COL10A1: variants seen among roughly 807,000 people sequenced by gnomAD.
COL10A1 encodes collagen type X alpha 1 chain.
Under a neutral mutation model 18.2 loss-of-function variants are expected in COL10A1, and 10 were observed. The ratio of observed to expected loss-of-function variants is 0.55; its 90% CI spans 0.34 to 0.93. The LOEUF (loss-of-function observed/expected upper bound fraction) is 0.93, where lower values mean the gene tolerates loss of function less well. Among genes scored for constraint, COL10A1 ranks in the 40% least tolerant of loss-of-function variants. The probability of loss-of-function intolerance (pLI) is 0.02; values close to 1 mark genes in which losing one functional copy is unlikely to be tolerated. For synonymous variants in COL10A1, 330 were observed against 316.6 expected, an observed-to-expected ratio of 1.04 and a Z score of -0.45; for missense variants, 897 against 853.5, an observed-to-expected ratio of 1.05 and a Z score of -0.64.
the COL10A1 span, among the ~76,000 whole-genome samples, chr6:116,189,894 A>G: frequency 6.6e-6 from 1 of 152,026 alleles, no homozygotes; most frequent in Non-Finnish European, 1.5e-5. Context: ...ATACTATGCT[A>G]TATGTATGTT....
the COL10A1 span, among the ~76,000 whole-genome samples, chr6:116,166,606 T>C: frequency 1.3e-5 from 2 of 152,194 alleles, no homozygotes; most frequent in Non-Finnish European, 2.9e-5. Context: ...ATATTTCCCT[T>C]GAGGTTTTCA....
At chr6:116,170,447 C>G in the COL10A1 span, among the ~76,000 whole-genome samples, 2 of 151,960 alleles carry the variant, frequency 1.3e-5, no homozygotes, top group Non-Finnish European at 2.9e-5. Context: ...GGGAAAGTAC[C>G]AGGTTCATAG....
chr6:116,121,694 G>C lies in COL10A1; in HGVS notation c.422C>G (p.Pro141Arg), dbSNP rs372909130. ...CGGTCCAGGGATTCCAGGTGGTCCT[G>C]GTGGGCCCCGGGGTCCTGGTAGGCC... ...PAGLPGPRGP[P>R]GPPGIPGPAG... Residue 141 changes from proline to arginine, a missense_variant, in exon 3 of 3, where the codon CCA (proline) becomes CGA (arginine). Transcript: ENST00000651968. The C allele has an allele frequency of 3.7e-6, 6 of 1,613,712 alleles. No homozygotes were observed. In the African/African-American group the frequency reaches 8.0e-5, roughly 22 times the overall value.
the COL10A1 span, among the ~76,000 whole-genome samples, chr6:116,168,888 G>A: frequency 6.6e-6 from 1 of 152,180 alleles, no homozygotes; most frequent in Non-Finnish European, 1.5e-5. Context: ...TTGAGGTGAT[G>A]TGAAGTTGTG....
chr6:116,201,761 C>G, the COL10A1 span, among the ~76,000 whole-genome samples: 1 of 152,016 alleles, frequency 6.6e-6, no homozygotes, highest in Non-Finnish European at 1.5e-5. Context: ...GCCTAAGCCA[C>G]TTGATTCTGG....
At chr6:116,201,796 G>T in the COL10A1 span, among the ~76,000 whole-genome samples, 1 of 151,980 alleles carries the variant, frequency 6.6e-6, no homozygotes, top group African/African-American at 2.4e-5. Flanking sequence ...CTTCTAGCCT[G>T]CACTGAAGCC....
intron 1 of COL10A1, among the ~76,000 whole-genome samples, chr6:116,156,318 T>G (rs1377051781): frequency 6.6e-6 from 1 of 152,208 alleles, no homozygotes; most frequent in African/African-American, 2.4e-5. Context: ...AAAAAAATTT[T>G]TTTTAGGTTG....
the COL10A1 span, among the ~76,000 whole-genome samples, chr6:116,173,880 G>A: frequency 6.6e-6 from 1 of 152,086 alleles, no homozygotes; most frequent in Admixed American, 6.6e-5. Context: ...GCTTCTACCA[G>A]TTTTTATACT....
rs1437932973 is a variant in COL10A1, at chr6:116,121,614, C to T, written c.502G>A (p.Gly168Arg). 6.2e-7 allele frequency: 1 copy of T among 1,613,880 alleles called. No homozygotes were observed. The highest frequency in any genetic ancestry group is 8.5e-7 in the Non-Finnish European group (1 of 1,179,906). ...PGQQGPTGAP[G>R]PRGFPGEKGA... is the part of the protein sequence containing the mutation. ...TTTTCTCCAGGAAAGCCCCTGGGTC[C>T]TGGGGCTCCTGTGGGTCCCTGTTGT... The change falls in exon 3 of 3, where the codon GGA becomes AGA. Residue 168 changes from glycine to arginine, a missense_variant. By Grantham distance (125) the Gly-to-Arg change is moderately radical. Coordinates refer to ENST00000651968, the MANE Select transcript of COL10A1 (RefSeq NM_000493.4).
At chr6:116,157,818 C>A (rs536514296) in intron 1 of COL10A1, among the ~76,000 whole-genome samples, 5 of 152,296 alleles carry the variant, frequency 3.3e-5, no homozygotes, top group African/African-American at 1.2e-4. Context: ...ACCCAGCTGA[C>A]CTGACTCACC....
rs779715618 is a variant in COL10A1, at chr6:116,125,486, G to A, written c.7C>T (p.Pro3Ser). The A allele has an allele frequency of 4.3e-6, 7 of 1,613,412 alleles. No homozygotes were observed. Among genetic ancestry groups the A allele is most frequent in the Non-Finnish European group, 4.2e-6 (5 of 1,179,662 alleles). Residue 3 changes from proline to serine, a missense_variant, in exon 2 of 3, where the codon CCA becomes TCA. By Grantham distance (74) the Pro-to-Ser change is moderately conservative (BLOSUM62 -1). Coordinates refer to ENST00000651968, the MANE Select transcript of COL10A1 (RefSeq NM_000493.4). Reference protein sequence around the residue: MLPQIPFLLLVSL... With the variant: MLSQIPFLLLVSL... The stretch of plus-strand genomic sequence containing the variant: ...ACTAGCAGCAAAAAGGGTATTTGTG[G>A]CAGCATATTCTCAGATGGATTCTGA...
chr6:116,120,919 A>C lies in COL10A1; in HGVS notation c.1197T>G (p.Pro399=). The part of the protein sequence containing the change: ...GYPGKPGLDG[P]KGNPGLPGPK... ...GACCTGGTAACCCTGGGTTACCCTT[A>C]GGACCATCGAGACCTGGTTTTCCTG... Residue 399 remains proline (P), a synonymous_variant, in exon 3 of 3, where the codon CCT becomes CCG. Transcript: ENST00000651968. 7 of 1,613,764 alleles carry C rather than the reference A, an allele frequency of 4.3e-6. No individual in the cohort carries two copies. The highest frequency in any genetic ancestry group is 5.9e-6 in the Non-Finnish European group (7 of 1,179,834).
At chr6:116,141,885 AACACACACACACACACACAC>A (rs3051942) in intron 1 of COL10A1, among the ~76,000 whole-genome samples, 12 of 140,404 alleles carry the variant, frequency 8.5e-5, no homozygotes, top group East Asian at 4.1e-4. Flanking sequence ...CCAAAAAGAA[AACACACACACACACACACAC>A]ACACACACAC....
chr6:116,181,847 G>A, the COL10A1 span, among the ~76,000 whole-genome samples: 1 of 151,962 alleles, frequency 6.6e-6, no homozygotes, highest in East Asian at 1.9e-4. Context: ...TAAATTCAGT[G>A]CAATTCCAAC....
At chr6:116,213,037 G>A in the COL10A1 span, among the ~76,000 whole-genome samples, 2 of 152,020 alleles carry the variant, frequency 1.3e-5, no homozygotes, top group Non-Finnish European at 2.9e-5. Flanking sequence ...ATTTTATCTT[G>A]AATTGCATAG....
At chr6:116,139,609 A>G (rs1351189040) in intron 1 of COL10A1, among the ~76,000 whole-genome samples, 1 of 152,134 alleles carries the variant, frequency 6.6e-6, no homozygotes, top group Non-Finnish European at 1.5e-5. Context: ...GAGCCCTTCC[A>G]GTTTTTAAAA....
chr6:116,184,180 C>T, the COL10A1 span, among the ~76,000 whole-genome samples: 3 of 151,964 alleles, frequency 2.0e-5, no homozygotes, highest in African/African-American at 4.8e-5. Context: ...GTTTCTAATT[C>T]GGTTTATGTG....
chr6:116,176,529 C>T, the COL10A1 span, among the ~76,000 whole-genome samples: 1 of 152,132 alleles, frequency 6.6e-6, no homozygotes, highest in Non-Finnish European at 1.5e-5. Flanking sequence ...TTTTCTGCCC[C>T]TCTTAGAGCA....
the COL10A1 span, among the ~76,000 whole-genome samples, chr6:116,202,361 G>C: frequency 1.3e-5 from 2 of 151,926 alleles, no homozygotes; most frequent in African/African-American, 2.4e-5. Flanking sequence ...TAAATCTAAA[G>C]CTGTAAGTTC....
Sources: allele counts gnomAD v4.1 joint callset (sites outside exome capture counted in the v4.1 genomes callset), GRCh38; gene constraint gnomAD v4.1.1; transcripts MANE v1.5; gene names NCBI Gene and HGNC (gene_info 2026-07-23, HGNC 2026-07-21).